The following TGFBI variants were observed in gnomAD, a reference collection of about 807,000 sequenced individuals.
TGFBI encodes transforming growth factor-beta-induced protein ig-h3.
In TGFBI, 50 loss-of-function variants were observed where a neutral mutation model predicts 73.7. The ratio of observed to expected loss-of-function variants is 0.68; its 90% CI spans 0.54 to 0.86. The LOEUF (loss-of-function observed/expected upper bound fraction) is 0.86. TGFBI is among the 40% of genes least tolerant of loss of function. The pLI is 0.00. For synonymous variants in TGFBI, 362 were observed against 360.5 expected, an observed-to-expected ratio of 1.00 and a Z score of -0.05; for missense variants, 839 against 877.0, an observed-to-expected ratio of 0.96 and a Z score of 0.55.
chr5:136,039,801 C>T (rs1437131652), intron 2 of TGFBI, among the ~76,000 whole-genome samples: 1 of 152,192 alleles, frequency 6.6e-6, no homozygotes, highest in Admixed American at 6.5e-5. Context: ...TAAAGCAAGC[C>T]ATGATTTTCT....
chr5:136,052,984 G>C lies in TGFBI; in HGVS notation c.991G>C (p.Glu331Gln). ...IVAGLSVETLEGTTLEVGCSG... is the reference protein window; with the variant it reads ...IVAGLSVETLQGTTLEVGCSG... ...TGCGGGGCTGTCTGTAGAGACCCTG[G>C]AGGGCACGACACTGGAGGTGGGCTG... Residue 331 changes from glutamate to glutamine, a missense_variant, in exon 8 of 17, where the codon GAG becomes CAG. Transcript: ENST00000442011. 1 of 1,614,028 alleles carries C rather than the reference G, an allele frequency of 6.2e-7. No homozygotes were observed. Among genetic ancestry groups the C allele is most frequent in the Non-Finnish European group, 8.5e-7 (1 of 1,179,888 alleles).
rs1329290654 is a variant in TGFBI at position 136,054,060 on chromosome 5, C to T, written c.1244C>T (p.Pro415Leu). The T allele has an allele frequency of 6.2e-7, 1 of 1,613,896 alleles. No homozygotes were observed. The highest frequency in any genetic ancestry group is 8.5e-7 in the Non-Finnish European group (1 of 1,179,808). The stretch of plus-strand genomic sequence containing the variant: ...AGTGAGCGGTTGACCCTCCTGGCTC[C>T]CCTGAATTCTGTATTCAAAGGTAAC... ...SGSERLTLLA[P>L]LNSVFKDGTP... Residue 415 changes from proline to leucine, a missense_variant, in exon 9 of 17, where the codon CCC (proline) becomes CTC (leucine). Coordinates refer to ENST00000442011, the MANE Select transcript of TGFBI (RefSeq NM_000358.3).
chr5:136,056,354 C>A, intron 11 of TGFBI: 1 of 314,618 alleles, frequency 3.2e-6, no homozygotes, highest in Non-Finnish European at 5.9e-6. Context: ...AGAATCATAT[C>A]CCTGGAGGCT....
chr5:136,054,619 C>T (rs1751593174), intron 9 of TGFBI, 97 bp from the exon 10 acceptor site: 3 of 1,543,610 alleles, frequency 1.9e-6, no homozygotes, highest in Non-Finnish European at 2.7e-6. Flanking sequence ...TTTCCAAACT[C>T]AAGGAGGGAT....
rs745697616 is a variant in TGFBI, at chr5:136,033,768, A to G, written c.140A>G (p.Asn47Ser). ...TCTGCTGCTTTTGTTTTCAGCCCCAACGTGTGTGCTGTGCAGAAGGTTATT... is the reference window on the plus strand; with the variant it reads ...TCTGCTGCTTTTGTTTTCAGCCCCAGCGTGTGTGCTGTGCAGAAGGTTATT... ...SRLRGRQHGPNVCAVQKVIGT... is the reference protein window; with the variant it reads ...SRLRGRQHGPSVCAVQKVIGT... The change falls in exon 2 of 17, where the codon AAC becomes AGC. Residue 47 changes from asparagine to serine, a missense_variant. Transcript: ENST00000442011. 1.2e-6 allele frequency: 2 copies of G among 1,613,720 alleles called. No individual in the cohort carries two copies. Among genetic ancestry groups the G allele is most frequent in the Non-Finnish European group, 1.7e-6 (2 of 1,179,692 alleles).
At chr5:136,056,915 A>G in intron 12 of TGFBI, 120 bp downstream of exon 12, 1 of 1,279,700 alleles carries the variant, frequency 7.8e-7, no homozygotes, top group South Asian at 1.5e-5. Context: ...CAAGACTATT[A>G]GTGAAAGAGT....
chr5:136,032,221 G>T (rs575355864), intron 1 of TGFBI, among the ~76,000 whole-genome samples: 2 of 152,282 alleles, frequency 1.3e-5, no homozygotes, highest in African/African-American at 4.8e-5. Flanking sequence ...GGCCTCTGCT[G>T]GCTGTGGTCC....
chr5:136,061,202 C>G (rs373865817), intron 14 of TGFBI: 1 of 575,232 alleles, frequency 1.7e-6, no homozygotes, highest in African/African-American at 1.9e-5. Flanking sequence ...TCTGTATTCG[C>G]GTGGATGCTG....
Position 136,029,174 on chromosome 5 carries a change from G to A in TGFBI, c.119G>A (p.Arg40Gln). 6.6e-7 allele frequency: 1 copy of A among 1,510,928 alleles called. No homozygotes were observed. Among genetic ancestry groups the A allele is most frequent in the Non-Finnish European group, 8.8e-7 (1 of 1,135,258 alleles). 93.6% of individuals were successfully genotyped at this position (1,510,928 alleles called of 1,614,324 possible). The change falls in exon 1 of 17, where the codon CGG becomes CAG. Residue 40 changes from arginine to glutamine, a missense_variant. Coordinates refer to ENST00000442011, the MANE Select transcript of TGFBI (RefSeq NM_000358.3). ...YQLVLQHSRL[R>Q]GRQHGPNVCA... ...CTGGTGCTGCAGCACAGCAGGCTCC[G>A]GGGCCGCCAGCACGGGTAAGCCGAG...
Position 136,063,519 on chromosome 5 carries a change from T to C in TGFBI, c.*293T>C. On this transcript the variant is annotated 3_prime_UTR_variant, in exon 17 of 17. Transcript: ENST00000442011. The stretch of plus-strand genomic sequence containing the variant: ...TATCCCAAATGTGGAATTGACTGCC[T>C]ATGCCAAGTCCCTGGAAAAGGAGCT... The C allele has an allele frequency of 2.5e-6, 1 of 394,960 alleles. No homozygotes were observed. Among genetic ancestry groups the C allele is most frequent in the Non-Finnish European group, 4.6e-6 (1 of 216,148 alleles). The allele number at this position is 394,960 out of a possible 1,614,324, so 24.5% of individuals were successfully genotyped here.
intron 7 of TGFBI, among the ~76,000 whole-genome samples, chr5:136,052,467 G>A (rs1397040286): frequency 2.6e-5 from 4 of 152,186 alleles, no homozygotes; most frequent in African/African-American, 7.2e-5. Context: ...CTAAAATCCC[G>A]TGGTAGGCTC....
At position 136,056,873 on chromosome 5, in the gene TGFBI, A is replaced by C. The variant is rs912304541; in HGVS notation, c.1678+78A>C. On this transcript the variant is annotated intron_variant, in intron 12 of 16. Coordinates refer to ENST00000442011, the MANE Select transcript of TGFBI (RefSeq NM_000358.3). ...AGGGCCCCAGCAGCAAACAGTTGGC[A>C]CATCAAGGATTGACTTGAAGGGATT... 6 of 1,496,154 alleles carry C rather than the reference A, an allele frequency of 4.0e-6. No individual in the cohort carries two copies. In the African/African-American group the frequency reaches 8.4e-5, roughly 21 times the overall value. 92.7% of individuals were successfully genotyped at this position (1,496,154 alleles called of 1,614,324 possible). A position where few individuals can be genotyped will look rare whatever the true frequency, so the allele number is the denominator to read the frequency against.
At chr5:136,060,469 G>A (rs139169374) in intron 13 of TGFBI, among the ~76,000 whole-genome samples, 1 of 152,296 alleles carries the variant, frequency 6.6e-6, no homozygotes, top group East Asian at 1.9e-4. Flanking sequence ...CCAGCACTTT[G>A]GGAGGCCAAA....
rs554511298 is a variant in TGFBI, at chr5:136,055,767, C to G, written c.1498C>G (p.Pro500Ala). Reference sequence around the variant, plus strand: ...GTTCACGATGGACCGGGTGCTGACCCCCCCAATGGGGACTGTCATGGATGT... The same window carrying G: ...GTTCACGATGGACCGGGTGCTGACCGCCCCAATGGGGACTGTCATGGATGT... Reference protein sequence around the residue: ...TLFTMDRVLTPPMGTVMDVLK... With the variant: ...TLFTMDRVLTAPMGTVMDVLK... Residue 500 changes from proline (P) to alanine (A), a missense_variant, in exon 11 of 17, where the codon CCC becomes GCC. Pro to Ala is a conservative substitution (Grantham distance 27). Transcript: ENST00000442011. 6.2e-7 allele frequency: 1 copy of G among 1,612,740 alleles called. No homozygotes were observed. The highest frequency in any genetic ancestry group is 1.1e-5 in the South Asian group (1 of 90,850).
At chr5:136,029,590 C>A (rs1468073617) in intron 1 of TGFBI, among the ~76,000 whole-genome samples, 1 of 152,222 alleles carries the variant, frequency 6.6e-6, no homozygotes, top group Non-Finnish European at 1.5e-5. Context: ...CTATTCCAAC[C>A]CAGCCAGGCC....
Position 136,053,250 on chromosome 5 carries a change from G to A in TGFBI, c.1126+131G>A, listed in dbSNP as rs539120660. On this transcript the variant is annotated intron_variant, in intron 8 of 16. Transcript: ENST00000442011. ...GCCTGGACCCAGCTCACAGCTTCTCGGCCACTGCAAATGTGTGGGTTGTGA... is the reference window on the plus strand; with the variant it reads ...GCCTGGACCCAGCTCACAGCTTCTCAGCCACTGCAAATGTGTGGGTTGTGA... 5.6e-5 allele frequency: 45 copies of A among 810,504 alleles called. No individual in the cohort carries two copies. The East Asian group carries it at 1.1e-3, about 20-fold the overall frequency. 50.2% of individuals were successfully genotyped at this position (810,504 alleles called of 1,614,324 possible).
At chr5:136,049,652 A>G in intron 7 of TGFBI, 72 bp downstream of exon 7, 2 of 1,528,914 alleles carry the variant, frequency 1.3e-6, no homozygotes, top group Non-Finnish European at 1.8e-6. Context: ...GCTCTGGTCC[A>G]AGATGAACAT....
At chr5:136,058,962 C>T in intron 12 of TGFBI, 128 bp from the exon 13 acceptor site, 1 of 1,210,772 alleles carries the variant, frequency 8.3e-7, no homozygotes, top group Non-Finnish European at 1.1e-6. Context: ...TTAATAAGTG[C>T]TTATTCCCTG....
rs939478272 is a variant in TGFBI, at chr5:136,063,806, C to G, written c.*580C>G. ...CCATGGTGTGTTTGTAATAATAAAA[C>G]CAAAGAAACATACGTCCTGTGTGCA... On this transcript the variant is annotated 3_prime_UTR_variant, in exon 17 of 17. Transcript: ENST00000442011. 4 of 155,484 alleles carry G rather than the reference C, an allele frequency of 2.6e-5. No individual in the cohort carries two copies. The highest frequency in any genetic ancestry group is 2.5e-4 in the Admixed American group (4 of 15,738). 9.6% of individuals were successfully genotyped at this position (155,484 alleles called of 1,614,324 possible).
Sources: gnomAD v4.1 joint callset for allele counts (sites outside exome capture counted in the v4.1 genomes callset) on GRCh38, gnomAD v4.1.1 for gene constraint, MANE v1.5 for transcripts, NCBI Gene and HGNC (gene_info 2026-07-23, HGNC 2026-07-21) for gene names.